Variants in ROBO2 observed in about 807,000 individuals in gnomAD.
ROBO2 encodes roundabout guidance receptor 2.
In ROBO2, 53 loss-of-function variants were observed where a neutral mutation model predicts 160.8. The observed-to-expected ratio is 0.33, with a 90% confidence interval of 0.26 to 0.41. The LOEUF (loss-of-function observed/expected upper bound fraction) is 0.41. Among genes scored for constraint, ROBO2 ranks in the 10% least tolerant of loss-of-function variants. The probability of loss-of-function intolerance (pLI) is 1.00; values close to 1 mark genes in which losing one functional copy is unlikely to be tolerated. For missense variants in ROBO2, 1,577 were observed against 1,722.4 expected (o/e 0.92, Z 1.49); for synonymous variants, 664 against 611.7 (o/e 1.09, Z -1.26).
chr3:77,421,585 T>C (rs1030837971), intron 2 of ROBO2, among the ~76,000 whole-genome samples: 1 of 152,152 alleles, frequency 6.6e-6, no homozygotes, highest in Non-Finnish European at 1.5e-5. Flanking sequence ...GAAAATTCTT[T>C]ATGGGTGCAC....
At chr3:76,576,922 A>G (rs899722463) in intron 2 of ROBO2, among the ~76,000 whole-genome samples, 12 of 152,014 alleles carry the variant, frequency 7.9e-5, no homozygotes, top group African/African-American at 2.9e-4. Flanking sequence ...CAGGGACACT[A>G]TACCTTGTAA....
chr3:77,307,751 C>T (rs370795788), intron 2 of ROBO2, among the ~76,000 whole-genome samples: 2 of 152,040 alleles, frequency 1.3e-5, no homozygotes, highest in African/African-American at 2.4e-5. Flanking sequence ...AGCATGGTGG[C>T]GGGCGCCTGT....
chr3:76,060,301 C>G (rs1174526996), intron 2 of ROBO2, among the ~76,000 whole-genome samples: 1 of 80,942 alleles, frequency 1.2e-5, no homozygotes, highest in Non-Finnish European at 2.2e-5. Flanking sequence ...TTGTGTACAT[C>G]AGAATAGAAA....
intron 2 of ROBO2, among the ~76,000 whole-genome samples, chr3:75,991,098 A>G (rs1259480053): frequency 6.6e-6 from 1 of 152,186 alleles, no homozygotes; most frequent in African/African-American, 2.4e-5. Context: ...CAGACATCAG[A>G]TGGTGGGACT....
intron 2 of ROBO2, among the ~76,000 whole-genome samples, chr3:76,170,446 G>A (rs1405401305): frequency 6.6e-6 from 1 of 152,096 alleles, no homozygotes; most frequent in African/African-American, 2.4e-5. Flanking sequence ...ACATACTGTT[G>A]ACAAGGCCCT....
chr3:76,141,159 C>CTCTCTCTCTATATATATATATA (rs1364431015), intron 2 of ROBO2, among the ~76,000 whole-genome samples: 1 of 9,176 alleles, frequency 1.1e-4, no homozygotes, highest in African/African-American at 4.3e-4. Flanking sequence ...CTCTCTCTCT[C>CTCTCTCTCTATATATATATATA]TATATATATA....
chr3:76,590,579 T>C (rs2086352148), intron 2 of ROBO2, among the ~76,000 whole-genome samples: 1 of 152,192 alleles, frequency 6.6e-6, no homozygotes, highest in Admixed American at 6.5e-5. Context: ...GCATGTTATG[T>C]AACCAAAGGA....
intron 2 of ROBO2, among the ~76,000 whole-genome samples, chr3:77,016,090 C>A (rs2062227023): frequency 6.6e-6 from 1 of 152,086 alleles, no homozygotes; most frequent in African/African-American, 2.4e-5. Flanking sequence ...CATTCTCCTG[C>A]CTCAGCCTCC....
intron 2 of ROBO2, among the ~76,000 whole-genome samples, chr3:76,733,001 G>C (rs1000700045): frequency 7.2e-6 from 1 of 139,546 alleles, no homozygotes; most frequent in Non-Finnish European, 1.6e-5. Context: ...GGGTGGGGGG[G>C]GGAGGTGTTT....
At chr3:76,259,693 A>G (rs1246790222) in intron 2 of ROBO2, among the ~76,000 whole-genome samples, 2 of 152,094 alleles carry the variant, frequency 1.3e-5, no homozygotes, top group African/African-American at 4.8e-5. Context: ...AGTCCTTATA[A>G]GAAGTGGTGG....
At chr3:77,484,618 T>C (rs2085124587) in intron 4 of ROBO2, among the ~76,000 whole-genome samples, 1 of 151,964 alleles carries the variant, frequency 6.6e-6, no homozygotes, top group Admixed American at 6.6e-5. Flanking sequence ...GAATATGTGC[T>C]TAATCTGCTA....
At chr3:76,754,970 T>C (rs1188885236) in intron 2 of ROBO2, among the ~76,000 whole-genome samples, 1 of 151,922 alleles carries the variant, frequency 6.6e-6, no homozygotes, top group Non-Finnish European at 1.5e-5. Flanking sequence ...ATTTAGGTAT[T>C]CACATTAGAT....
intron 2 of ROBO2, among the ~76,000 whole-genome samples, chr3:77,182,480 T>G (rs1186084598): frequency 6.6e-6 from 1 of 152,066 alleles, no homozygotes; most frequent in African/African-American, 2.4e-5. Flanking sequence ...AGGGAGCAAT[T>G]AATTCTGTCT....
At chr3:77,563,417 A>G in intron 11 of ROBO2, 88 bp downstream of exon 12, 1 of 1,244,266 alleles carries the variant, frequency 8.0e-7, no homozygotes, top group African/African-American at 1.5e-5. Flanking sequence ...CTGTTTTATT[A>G]AAGACATGTC....
At chr3:77,164,358 A>C (rs1192809445) in intron 2 of ROBO2, among the ~76,000 whole-genome samples, 1 of 151,994 alleles carries the variant, frequency 6.6e-6, no homozygotes, top group Non-Finnish European at 1.5e-5. Context: ...CCAGGCTGGT[A>C]TAAAGCCTTT....
intron 2 of ROBO2, among the ~76,000 whole-genome samples, chr3:77,372,053 C>T (rs2071832938): frequency 6.6e-6 from 1 of 151,978 alleles, no homozygotes; most frequent in South Asian, 2.1e-4. Context: ...ATCAAGAGTT[C>T]TGTATTGTCC....
chr3:77,619,032 C>T (rs2094843441), intron 22 of ROBO2, among the ~76,000 whole-genome samples: 2 of 152,040 alleles, frequency 1.3e-5, no homozygotes, highest in Non-Finnish European at 1.5e-5. Flanking sequence ...ATTTGGATAA[C>T]CTTAAAATAT....
intron 16 of ROBO2, among the ~76,000 whole-genome samples, chr3:77,584,694 T>G (rs1255986800): frequency 1.3e-5 from 2 of 152,038 alleles, no homozygotes; most frequent in African/African-American, 4.8e-5. Flanking sequence ...TCTTTCTTAA[T>G]TAGTCATTCA....
At chr3:76,216,377 G>A (rs937402967) in intron 2 of ROBO2, among the ~76,000 whole-genome samples, 1 of 152,144 alleles carries the variant, frequency 6.6e-6, no homozygotes, top group East Asian at 1.9e-4. Flanking sequence ...ATTGGATAAA[G>A]AGTCAAGACC....
Sources: allele counts gnomAD v4.1 joint callset (sites outside exome capture counted in the v4.1 genomes callset), GRCh38; gene constraint gnomAD v4.1.1; transcripts MANE v1.5; gene names NCBI Gene and HGNC (gene_info 2026-07-23, HGNC 2026-07-21).